Variants in SLC9D1 observed in about 807,000 individuals in gnomAD.
The protein encoded by SLC9D1 is putative LAG1-interacting protein.
the SLC9D1 span, among the ~76,000 whole-genome samples, chr13:113,521,630 T>C: frequency 6.6e-6 from 1 of 152,156 alleles, no homozygotes; most frequent in African/African-American, 2.4e-5. Context: ...CCCCGATCCT[T>C]CTTTTCATTC....
At chr13:113,494,389 C>T in the SLC9D1 span, among the ~76,000 whole-genome samples, 6 of 152,176 alleles carry the variant, frequency 3.9e-5, no homozygotes, top group Non-Finnish European at 8.8e-5. Flanking sequence ...CTTTGCTGGC[C>T]GCTGTCTCAT....
chr13:113,526,814 C>T, the SLC9D1 span, among the ~76,000 whole-genome samples: 11 of 152,254 alleles, frequency 7.2e-5, no homozygotes. Flanking sequence ...CACTCCCTGA[C>T]TCACTCAGAG....
At chr13:113,518,709 C>A in the SLC9D1 span, among the ~76,000 whole-genome samples, 54 of 152,250 alleles carry the variant, frequency 3.5e-4, no homozygotes, top group African/African-American at 1.2e-3. Context: ...GGGTGAAAAT[C>A]GCTGATCTGT....
chr13:113,531,251 T>A, the SLC9D1 span, among the ~76,000 whole-genome samples: 436 of 152,050 alleles, frequency 2.9e-3, 1 homozygote, highest in African/African-American at 9.9e-3. Flanking sequence ...ACCTGTCCGC[T>A]GGCCAGACAT....
chr13:113,543,145 CGTGCCCCCCGCCCTACCT>C, the SLC9D1 span, among the ~76,000 whole-genome samples: 312 of 86,210 alleles, frequency 3.6e-3, 3 homozygotes, highest in South Asian at 6.1e-3. Context: ...ACCTCCTCCC[CGTGCCCCCCGCCCTACCT>C]CTGTCCGGAC....
At chr13:113,510,357 T>A in the SLC9D1 span, 2 of 1,613,994 alleles carry the variant, frequency 1.2e-6, no homozygotes, top group Non-Finnish European at 1.7e-6. Flanking sequence ...TTTCCACGTG[T>A]CTGTCCTTGT....
chr13:113,537,529 CAA>C, the SLC9D1 span, among the ~76,000 whole-genome samples: 2 of 152,234 alleles, frequency 1.3e-5, no homozygotes, highest in African/African-American at 2.4e-5. Context: ...TATGTTTTTG[CAA>C]ATGTCTTGCA....
At chr13:113,517,035 C>G in the SLC9D1 span, among the ~76,000 whole-genome samples, 3 of 152,202 alleles carry the variant, frequency 2.0e-5, no homozygotes, top group Non-Finnish European at 4.4e-5. Flanking sequence ...AACCTTGAGA[C>G]CAGGTGCCGT....
the SLC9D1 span, among the ~76,000 whole-genome samples, chr13:113,540,821 T>C: frequency 1.3e-5 from 2 of 152,354 alleles, no homozygotes; most frequent in Non-Finnish European, 2.9e-5. Context: ...TTCAGAGGTT[T>C]TCTTACAGGG....
the SLC9D1 span, among the ~76,000 whole-genome samples, chr13:113,540,045 T>G: frequency 6.6e-6 from 1 of 152,216 alleles, no homozygotes; most frequent in African/African-American, 2.4e-5. Context: ...GCAAAGGACG[T>G]GATTTCATTC....
the SLC9D1 span, chr13:113,534,458 A>T: frequency 1.8e-6 from 1 of 556,146 alleles, no homozygotes; most frequent in South Asian, 2.6e-5. Flanking sequence ...ACTCTTAAGC[A>T]CTTTGCTAAA....
At chr13:113,505,124 A>G in the SLC9D1 span, 2 of 152,124 alleles carry the variant, frequency 1.3e-5, no homozygotes, top group Admixed American at 1.3e-4. Flanking sequence ...GTCTATTTAT[A>G]TCCTTAGCCC....
chr13:113,510,377 C>T, the SLC9D1 span: 1 of 1,613,798 alleles, frequency 6.2e-7, no homozygotes. Context: ...TCAAGCACAC[C>T]CCTCGTGTCC....
chr13:113,495,522 T>C, the SLC9D1 span: 79 of 1,240,454 alleles, frequency 6.4e-5, no homozygotes, highest in Middle Eastern at 7.9e-4. Flanking sequence ...GTGTCTGACA[T>C]GCAAGCTCAG....
the SLC9D1 span, among the ~76,000 whole-genome samples, chr13:113,538,458 A>G: frequency 6.6e-6 from 1 of 152,100 alleles, no homozygotes; most frequent in African/African-American, 2.4e-5. Flanking sequence ...GAGTTTTTAG[A>G]TTCAGCTGGT....
At chr13:113,502,630 A>AG in the SLC9D1 span, among the ~76,000 whole-genome samples, 1 of 152,204 alleles carries the variant, frequency 6.6e-6, no homozygotes, top group African/African-American at 2.4e-5. Context: ...CACTTCTGAC[A>AG]GGGAGGAAAG....
chr13:113,526,949 G>A, the SLC9D1 span, among the ~76,000 whole-genome samples: 1 of 152,234 alleles, frequency 6.6e-6, no homozygotes, highest in Non-Finnish European at 1.5e-5. Flanking sequence ...GTTGGCTGCA[G>A]TATTAAGTGC....
the SLC9D1 span, among the ~76,000 whole-genome samples, chr13:113,543,551 G>A: frequency 1.6e-5 from 1 of 63,618 alleles, no homozygotes; most frequent in Non-Finnish European, 2.9e-5. Flanking sequence ...CCCCAACCTC[G>A]CTCCTGGTGA....
chr13:113,528,424 C>T, the SLC9D1 span: 1 of 152,262 alleles, frequency 6.6e-6, no homozygotes, highest in African/African-American at 2.4e-5. Context: ...TCTTCTGTTA[C>T]ATCTTCCCTG....
Sources: allele counts gnomAD v4.1 joint callset (sites outside exome capture counted in the v4.1 genomes callset), GRCh38; gene constraint gnomAD v4.1.1; transcripts MANE v1.5; gene names NCBI Gene and HGNC (gene_info 2026-07-23, HGNC 2026-07-21).